EXTL2: variants seen among roughly 807,000 people sequenced by gnomAD.
The protein encoded by EXTL2 is exostosin-like 2.
In EXTL2, 23 loss-of-function variants were observed where a neutral mutation model predicts 30.7. The ratio of observed to expected loss-of-function variants is 0.75; its 90% confidence interval spans 0.54 to 1.06. The LOEUF is 1.06. EXTL2 is among the 50% of genes least tolerant of loss of function. The pLI is 0.00. For synonymous variants in EXTL2, 123 were observed against 133.8 expected (o/e 0.92, Z 0.56); for missense variants, 352 against 396.3 (o/e 0.89, Z 0.95).
intron 2 of EXTL2, chr1:100,888,504 T>C: frequency 3.0e-6 from 1 of 334,232 alleles, no homozygotes; most frequent in Non-Finnish European, 5.4e-6. Flanking sequence ...CCTAGGAAAG[T>C]CAAATTTATA....
chr1:100,878,818 T>C (rs1370949755), intron 2 of EXTL2, among the ~76,000 whole-genome samples: 2 of 152,060 alleles, frequency 1.3e-5, no homozygotes, highest in East Asian at 3.9e-4. Flanking sequence ...AACAGGAAAA[T>C]CTGCCCCGAG....
chr1:100,890,654 A>G (rs967277395), intron 1 of EXTL2, among the ~76,000 whole-genome samples: 8 of 152,208 alleles, frequency 5.3e-5, no homozygotes, highest in African/African-American at 1.9e-4. Context: ...CCTCTTTGCT[A>G]AAGTATAGCA....
chr1:100,877,606 A>T lies in EXTL2; in HGVS notation c.303T>A (p.Asn101Lys), dbSNP rs560001116. Reference protein sequence around the residue: ...NLHKVIVVWNNIGEKAPDELW... With the variant: ...NLHKVIVVWNKIGEKAPDELW... ...ATTCATCTGGTGCCTTCTCTCCAAT[A>T]TTGTTCCATACCACAATCACTTTGT... The change falls in exon 3 of 5, where the codon AAT becomes AAA. Residue 101 changes from asparagine (N) to lysine (K), a missense_variant. Physicochemically the swap from Asn to Lys is moderately conservative, Grantham distance 94 (BLOSUM62 0). Coordinates refer to ENST00000370114, the MANE Select transcript of EXTL2 (RefSeq NM_001033025.3). The surrounding 1 kb of genome is among the most constrained non-coding windows in gnomAD (Gnocchi z 4.1). The T allele has an allele frequency of 1.2e-6, 2 of 1,613,530 alleles. No homozygotes were observed. Among genetic ancestry groups the T allele is most frequent in the African/African-American group, 2.7e-5 (2 of 74,972 alleles).
chr1:100,878,974 C>T (rs933030136), intron 2 of EXTL2, among the ~76,000 whole-genome samples: 2 of 152,092 alleles, frequency 1.3e-5, no homozygotes, highest in Non-Finnish European at 2.9e-5. Flanking sequence ...CTCCCATCTT[C>T]CTTATTGTAC....
chr1:100,877,729 C>T lies in EXTL2; in HGVS notation c.180G>A (p.Lys60=). The change falls in exon 3 of 5, where the codon AAG becomes AAA. Residue 60 remains lysine (K), a synonymous_variant. Transcript: ENST00000370114. This position sits in a 1 kb window ranked among gnomAD's most constrained non-coding sequence, Gnocchi z 4.1. ...MLRREIKSQG[K]STMDSFTLIM... ...TGAGAGTAAAGGAGTCCATGGTGGA[C>T]TTGCCCTGGGATTTTATTTCCCTAC... The T allele has an allele frequency of 6.2e-7, 1 of 1,613,544 alleles. No homozygotes were observed. Among genetic ancestry groups the T allele is most frequent in the South Asian group, 1.1e-5 (1 of 91,080 alleles).
intron 2 of EXTL2, among the ~76,000 whole-genome samples, chr1:100,884,618 G>A (rs72734249): frequency 0.017 from 2,554 of 152,204 alleles, 33 homozygotes; most frequent in Middle Eastern, 0.031. Flanking sequence ...GCCGATCCAC[G>A]ACTCCATGTA....
chr1:100,877,407 A>T lies in EXTL2; in HGVS notation c.433+69T>A. On this transcript the variant is annotated intron_variant, in intron 3 of 4. Transcript: ENST00000370114. The surrounding 1 kb of genome is among the most constrained non-coding windows in gnomAD (Gnocchi z 4.1). Reference sequence around the variant, plus strand: ...CCAGACGGTTAAGCAGAAGGCCAGAAATTCACATGTCTGTCCCAGCTCTGG... The same window carrying T: ...CCAGACGGTTAAGCAGAAGGCCAGATATTCACATGTCTGTCCCAGCTCTGG... The T allele has an allele frequency of 2.2e-6, 3 of 1,391,128 alleles. No homozygotes were observed. Among genetic ancestry groups the T allele is most frequent in the Non-Finnish European group, 2.9e-6 (3 of 1,035,676 alleles). The allele number at this position is 1,391,128 out of a possible 1,614,324, so 86.2% of individuals were successfully genotyped here.
In EXTL2 at chr1:100,873,711, G is replaced by A. The variant is rs1648861993; in HGVS notation, c.*231C>T. 1 of 423,826 alleles carries A rather than the reference G, an allele frequency of 2.4e-6. No individual in the cohort carries two copies. Among genetic ancestry groups the A allele is most frequent in the African/African-American group, 2.1e-5 (1 of 48,752 alleles). The allele number at this position is 423,826 out of a possible 1,614,324, so 26.3% of individuals were successfully genotyped here. A position where few individuals can be genotyped will look rare whatever the true frequency, so the allele number is the denominator to read the frequency against. Reference sequence around the variant, plus strand: ...AAACAATAAAATCACTGACCAAGGAGTTATATCCCTGGATGAAAACTCTTC... The same window carrying A: ...AAACAATAAAATCACTGACCAAGGAATTATATCCCTGGATGAAAACTCTTC... On this transcript the variant is annotated 3_prime_UTR_variant, in exon 5 of 5. Coordinates refer to ENST00000370114, the MANE Select transcript of EXTL2 (RefSeq NM_001033025.3).
rs115405427 is a variant in EXTL2 at position 100,888,737 on chromosome 1, A to G, written c.5+16T>C. The stretch of plus-strand genomic sequence containing the variant: ...TTACAACAGTTAAACAAAAGCCAAA[A>G]AATATTGGTACTTACCTCATTGTGT... On this transcript the variant is annotated intron_variant, in intron 2 of 4. Coordinates refer to ENST00000370114, the MANE Select transcript of EXTL2 (RefSeq NM_001033025.3). 6.7e-7 allele frequency: 1 copy of G among 1,484,682 alleles called. No homozygotes were observed. Among genetic ancestry groups the G allele is most frequent in the Non-Finnish European group, 9.3e-7 (1 of 1,075,684 alleles). 92.0% of individuals were successfully genotyped at this position (1,484,682 alleles called of 1,614,324 possible).
At chr1:100,888,515 G>C in intron 2 of EXTL2, 1 of 343,858 alleles carries the variant, frequency 2.9e-6, no homozygotes, top group East Asian at 4.1e-5. Flanking sequence ...CAAATTTATA[G>C]AAACAGAAAG....
At chr1:100,891,929 G>C (rs1650456781) in intron 1 of EXTL2, among the ~76,000 whole-genome samples, 1 of 152,194 alleles carries the variant, frequency 6.6e-6, no homozygotes, top group Non-Finnish European at 1.5e-5. Context: ...ACGTTTAGAG[G>C]TTAGAAGCAA....
chr1:100,883,760 A>C (rs1649748208), intron 2 of EXTL2, among the ~76,000 whole-genome samples: 1 of 152,182 alleles, frequency 6.6e-6, no homozygotes, highest in Non-Finnish European at 1.5e-5. Flanking sequence ...TTAGGTGCTT[A>C]CCTAAGAGTA....
chr1:100,873,799 T>G lies in EXTL2; in HGVS notation c.*143A>C, dbSNP rs1238037074. 7 of 795,940 alleles carry G rather than the reference T, an allele frequency of 8.8e-6. No homozygotes were observed. Among genetic ancestry groups the G allele is most frequent in the Non-Finnish European group, 1.3e-5 (7 of 523,488 alleles). 49.3% of individuals were successfully genotyped at this position (795,940 alleles called of 1,614,324 possible). On this transcript the variant is annotated 3_prime_UTR_variant, in exon 5 of 5. Coordinates refer to ENST00000370114, the MANE Select transcript of EXTL2 (RefSeq NM_001033025.3). ...TTTCAAAAGTAATGTGAATTTTATA[T>G]CCTAGAAGCACTGCACTTTTTTTTC...
At chr1:100,890,379 G>A (rs1431430476) in intron 1 of EXTL2, among the ~76,000 whole-genome samples, 1 of 152,228 alleles carries the variant, frequency 6.6e-6, no homozygotes, top group Non-Finnish European at 1.5e-5. Context: ...AGAAGCTGCT[G>A]TGAAGGTCTC....
In EXTL2 at chr1:100,872,849, G is replaced by A. The variant is rs1292415277; in HGVS notation, c.*1093C>T. ...CATAACAGAGAGTAGGCAACCTTAAGAATGAATTGATGCAGACTCCTATAG... is the reference window on the plus strand; with the variant it reads ...CATAACAGAGAGTAGGCAACCTTAAAAATGAATTGATGCAGACTCCTATAG... On this transcript the variant is annotated 3_prime_UTR_variant, in exon 5 of 5. Coordinates refer to ENST00000370114, the MANE Select transcript of EXTL2 (RefSeq NM_001033025.3). 6.6e-6 allele frequency: 1 copy of A among 152,014 alleles called. No homozygotes were observed. The highest frequency in any genetic ancestry group is 2.4e-5 in the African/African-American group (1 of 41,414). The allele number at this position is 152,014 out of a possible 1,614,324, so 9.4% of individuals were successfully genotyped here.
rs539535395 is a variant in EXTL2 at position 100,878,509 on chromosome 1, T to C, written c.6-606A>G. The C allele has an allele frequency of 1.9e-4, 90 of 469,330 alleles. No individual in the cohort carries two copies. In the East Asian group the frequency reaches 4.6e-3, roughly 24 times the overall value. The allele number at this position is 469,330 out of a possible 1,614,324, so 29.1% of individuals were successfully genotyped here. On this transcript the variant is annotated intron_variant, in intron 2 of 4. Transcript: ENST00000370114. ...CTGCTGTTAGTAGCAGAGGAGATGA[T>C]AGGGAGAAACAGATAACACAATAAA...
intron 4 of EXTL2, among the ~76,000 whole-genome samples, chr1:100,874,959 T>C (rs1218661345): frequency 6.6e-6 from 1 of 152,006 alleles, no homozygotes; most frequent in Non-Finnish European, 1.5e-5. Context: ...TGGGTGTTTC[T>C]TTTTTTAAAA....
chr1:100,873,918 GGTTT>G lies in EXTL2; in HGVS notation c.*20_*23del, dbSNP rs754429497. Reference sequence around the variant, plus strand: ...CTACTCAAATGCCAAGCAGTTTTCAGGTTTGTTTTTGTTTGTTTTACTTTTATAT... The same window carrying G: ...CTACTCAAATGCCAAGCAGTTTTCAGGTTTTTGTTTGTTTTACTTTTATAT... On this transcript the variant is annotated 3_prime_UTR_variant, in exon 5 of 5. Transcript: ENST00000370114. The G allele has an allele frequency of 6.5e-6, 10 of 1,534,980 alleles. No individual in the cohort carries two copies. In the East Asian group the frequency reaches 2.3e-4, roughly 35 times the overall value.
intron 1 of EXTL2, among the ~76,000 whole-genome samples, chr1:100,889,859 C>T (rs77991490): frequency 0.015 from 2,216 of 152,274 alleles, 54 homozygotes; most frequent in African/African-American, 0.051. Context: ...CTCCTGGCTG[C>T]TTTCATAGGC....
Sources: gnomAD v4.1 joint callset for allele counts (sites outside exome capture counted in the v4.1 genomes callset) on GRCh38, gnomAD v4.1.1 for gene constraint, Gnocchi (gnomAD v3.1) non-coding constraint, MANE v1.5 for transcripts, NCBI Gene and HGNC (gene_info 2026-07-23, HGNC 2026-07-21) for gene names.